The following CPA4 variants were observed in gnomAD, a reference collection of about 807,000 sequenced individuals.
The protein encoded by CPA4 is carboxypeptidase A3.
A neutral mutation model predicts 54.7 loss-of-function variants in CPA4; 49 were observed. The ratio of observed to expected loss-of-function variants is 0.90; its 90% CI spans 0.71 to 1.14. CPA4 has a LOEUF of 1.14. CPA4 is among the 50% of genes most tolerant of loss of function. The pLI, the probability that CPA4 is intolerant of heterozygous loss-of-function variation, is 0.00. For missense variants in CPA4, 487 were observed against 525.1 expected, an observed-to-expected ratio of 0.93 and a Z score of 0.71; for synonymous variants, 215 against 206.8, an observed-to-expected ratio of 1.04 and a Z score of -0.34.
intron 10 of CPA4, among the ~76,000 whole-genome samples, chr7:130,321,667 G>A (rs1048081842): frequency 6.6e-6 from 1 of 152,190 alleles, no homozygotes; most frequent in East Asian, 1.9e-4. Context: ...AAGGCAAAAG[G>A]CATGTCTTAC....
intron 1 of CPA4, among the ~76,000 whole-genome samples, chr7:130,293,678 T>C (rs1158678480): frequency 6.6e-6 from 1 of 152,192 alleles, no homozygotes; most frequent in East Asian, 1.9e-4. Flanking sequence ...CTCAAGCTTG[T>C]TGGTTTCACT....
intron 9 of CPA4, 88 bp downstream of exon 9, chr7:130,311,074 G>C (rs1353494570): frequency 9.7e-7 from 1 of 1,026,948 alleles, no homozygotes; most frequent in South Asian, 1.3e-5. Context: ...TTTATAGGGA[G>C]GGTCCAGGAG....
chr7:130,309,089 G>A (rs1379990680), intron 8 of CPA4, among the ~76,000 whole-genome samples: 1 of 151,944 alleles, frequency 6.6e-6, no homozygotes, highest in Non-Finnish European at 1.5e-5. Flanking sequence ...CAGGTCATCT[G>A]CCCGCCTCAG....
chr7:130,302,379 C>A (rs1793752014), intron 4 of CPA4, among the ~76,000 whole-genome samples: 1 of 151,788 alleles, frequency 6.6e-6, no homozygotes, highest in African/African-American at 2.4e-5. Flanking sequence ...GTCCCAGCTA[C>A]TTGGGAAGCT....
chr7:130,302,946 CCTT>C (rs1793762102), intron 4 of CPA4, among the ~76,000 whole-genome samples: 1 of 152,136 alleles, frequency 6.6e-6, no homozygotes. Context: ...CTAGTTAGTT[CCTT>C]CTTTGTTTCT....
intron 4 of CPA4, among the ~76,000 whole-genome samples, chr7:130,302,665 G>T (rs1225792858): frequency 6.6e-6 from 1 of 152,124 alleles, no homozygotes; most frequent in Admixed American, 6.5e-5. Flanking sequence ...GACACAGCTT[G>T]GTGTTTTAAC....
intron 4 of CPA4, among the ~76,000 whole-genome samples, chr7:130,301,200 G>A (rs1322735352): frequency 2.0e-5 from 3 of 152,128 alleles, no homozygotes; most frequent in Non-Finnish European, 2.9e-5. Flanking sequence ...TCTAGTCCTT[G>A]TAATTCAACC....
At chr7:130,294,270 C>A (rs1287456449) in intron 1 of CPA4, among the ~76,000 whole-genome samples, 1 of 152,192 alleles carries the variant, frequency 6.6e-6, no homozygotes, top group East Asian at 1.9e-4. Context: ...AAATAAAATC[C>A]TATATCTCTT....
chr7:130,298,907 T>C (rs867275550), intron 2 of CPA4, 80 bp downstream of exon 2: 1 of 859,186 alleles, frequency 1.2e-6, no homozygotes, highest in South Asian at 1.5e-5. Flanking sequence ...CATTATTATT[T>C]TTATTTCTGA....
At chr7:130,311,938 G>A in intron 9 of CPA4, 100 bp from the exon 10 acceptor site, 1 of 855,374 alleles carries the variant, frequency 1.2e-6, no homozygotes, top group Non-Finnish European at 2.0e-6. Context: ...GGAAATCGGG[G>A]GGGGCTGAGA....
intron 1 of CPA4, among the ~76,000 whole-genome samples, chr7:130,295,413 T>C (rs1793633447): frequency 3.9e-5 from 6 of 152,178 alleles, no homozygotes; most frequent in Admixed American, 2.6e-4. Context: ...TGAGAACACC[T>C]GTGTGGAGCA....
chr7:130,309,220 T>C (rs979262814), intron 8 of CPA4, among the ~76,000 whole-genome samples: 5 of 152,230 alleles, frequency 3.3e-5, no homozygotes, highest in African/African-American at 9.7e-5. Flanking sequence ...CCCGAGAGAA[T>C]GGTGGGACAG....
chr7:130,312,515 T>G (rs745778461), intron 10 of CPA4, among the ~76,000 whole-genome samples: 1 of 152,120 alleles, frequency 6.6e-6, no homozygotes, highest in Non-Finnish European at 1.5e-5. Flanking sequence ...TTCCCACATG[T>G]TGTGGGAGGG....
At chr7:130,300,333 A>ATTTTTT (rs767924823) in intron 3 of CPA4, among the ~76,000 whole-genome samples, 6 of 124,430 alleles carry the variant, frequency 4.8e-5, no homozygotes, top group African/African-American at 1.9e-4. Context: ...CAAGAAGTAA[A>ATTTTTT]TTTTTTTTTT....
intron 1 of CPA4, among the ~76,000 whole-genome samples, chr7:130,296,679 C>CTTTTTTTTTTTTTTTTTTT (rs369325885): frequency 1.4e-5 from 1 of 72,984 alleles, no homozygotes; most frequent in Non-Finnish European, 2.4e-5. Context: ...GCTCCCCTCA[C>CTTTTTTTTTTTTTTTTTTT]TTTTTTTTTT....
At chr7:130,295,302 G>A (rs540131816) in intron 1 of CPA4, among the ~76,000 whole-genome samples, 2 of 152,352 alleles carry the variant, frequency 1.3e-5, no homozygotes, top group East Asian at 3.9e-4. Context: ...ACTGTCCAAA[G>A]CACAGACTCC....
intron 8 of CPA4, among the ~76,000 whole-genome samples, chr7:130,309,550 C>A (rs1310661321): frequency 6.6e-6 from 1 of 152,234 alleles, no homozygotes; most frequent in African/African-American, 2.4e-5. Flanking sequence ...CCACCCTCCA[C>A]AGAAGTGCCG....
chr7:130,293,401 C>G (rs185481982), intron 1 of CPA4, 153 bp downstream of exon 1: 4 of 641,630 alleles, frequency 6.2e-6, no homozygotes, highest in East Asian at 5.6e-5. Context: ...CAAGTCCACT[C>G]TCTTCTCTGA....
intron 10 of CPA4, among the ~76,000 whole-genome samples, chr7:130,313,983 A>AT (rs1365742471): frequency 6.6e-6 from 1 of 152,196 alleles, no homozygotes; most frequent in African/African-American, 2.4e-5. Context: ...AGAAAGAATT[A>AT]TTTTTTACAC....
Sources: gnomAD v4.1 joint callset for allele counts (sites outside exome capture counted in the v4.1 genomes callset) on GRCh38, gnomAD v4.1.1 for gene constraint, MANE v1.5 for transcripts, NCBI Gene and HGNC (gene_info 2026-07-23, HGNC 2026-07-21) for gene names.